Variants in PGS1 observed in about 807,000 individuals in gnomAD.
The protein encoded by PGS1 is CDP-diacylglycerol--glycerol-3-phosphate 3-phosphatidyltransferase, mitochondrial.
Under a neutral mutation model 58.3 loss-of-function variants are expected in PGS1, and 44 were observed. The observed-to-expected ratio is 0.75, with a 90% CI of 0.59 to 0.97. The LOEUF (loss-of-function observed/expected upper bound fraction) is 0.97. Ranked by LOEUF, PGS1 falls within the 50% of genes least tolerant of loss-of-function variation. The pLI is 0.00. For missense variants in PGS1, 684 were observed against 731.1 expected, an observed-to-expected ratio of 0.94 and a Z score of 0.74; for synonymous variants, 330 against 311.0, an observed-to-expected ratio of 1.06 and a Z score of -0.64.
At chr17:78,397,946 G>T (rs2083365290) in intron 3 of PGS1, 2 of 470,026 alleles carry the variant, frequency 4.3e-6, no homozygotes, top group Non-Finnish European at 8.2e-6. Flanking sequence ...TGAAATGTAC[G>T]TGAGACCTGG....
intron 3 of PGS1, among the ~76,000 whole-genome samples, chr17:78,397,700 G>T (rs2083345716): frequency 6.6e-6 from 1 of 152,128 alleles, no homozygotes; most frequent in South Asian, 2.1e-4. Flanking sequence ...CTCCCAAAGT[G>T]CTGGGATTAG....
At chr17:78,385,418 AGCTGGG>A (rs2082313782) in intron 1 of PGS1, among the ~76,000 whole-genome samples, 1 of 152,052 alleles carries the variant, frequency 6.6e-6, no homozygotes, top group South Asian at 2.1e-4. Context: ...CCTCCCGAGT[AGCTGGG>A]ACTGCAGGTG....
At chr17:78,420,972 T>C (rs1201936667) in intron 9 of PGS1, 1 of 152,224 alleles carries the variant, frequency 6.6e-6, no homozygotes, top group African/African-American at 2.4e-5. Context: ...AATACCTAAA[T>C]GGTGTTCACA....
At chr17:78,406,498 G>T (rs114469091) in intron 7 of PGS1, among the ~76,000 whole-genome samples, 32 of 152,174 alleles carry the variant, frequency 2.1e-4, no homozygotes, top group African/African-American at 6.8e-4. Flanking sequence ...GGCATCCCAC[G>T]TGCTGCTTTG....
At position 78,404,059 on chromosome 17, in the gene PGS1, T is replaced by C; in HGVS notation, c.1372T>C (p.Trp458Arg). 6.3e-7 allele frequency: 1 copy of C among 1,599,404 alleles called. No homozygotes were observed. Among genetic ancestry groups the C allele is most frequent in the Middle Eastern group, 1.7e-4 (1 of 6,016 alleles). Reference protein sequence around the residue: ...QQERVQLQEYWRRGWTFHAKG... With the variant: ...QQERVQLQEYRRRGWTFHAKG... ...GGAGCGGGTCCAGCTTCAGGAGTAC[T>C]GGCGGAGGGGCTGGACGTTCCACGC... Residue 458 changes from tryptophan to arginine, a missense_variant, in exon 7 of 10, where the codon TGG becomes CGG. Transcript: ENST00000262764.
chr17:78,423,744 C>T, intron 9 of PGS1: 2 of 932,354 alleles, frequency 2.1e-6, no homozygotes, highest in Non-Finnish European at 3.2e-6. Context: ...CCACACCAAC[C>T]TCCACCCTCT....
rs2086291969 is a variant in PGS1 at position 78,424,251 on chromosome 17, G to C, written c.*201G>C. ...GTCCTCACACTCCCCGCCCTCTGCA[G>C]AGCTGGGCTCTACCCCAAAAGGCTT... On this transcript the variant is annotated 3_prime_UTR_variant, in exon 10 of 10. Coordinates refer to ENST00000262764, the MANE Select transcript of PGS1 (RefSeq NM_024419.5). 1.4e-6 allele frequency: 2 copies of C among 1,443,008 alleles called. No individual in the cohort carries two copies. The highest frequency in any genetic ancestry group is 2.8e-5 in the African/African-American group (2 of 70,696). The allele number at this position is 1,443,008 out of a possible 1,614,324, so 89.4% of individuals were successfully genotyped here. A position where few individuals can be genotyped will look rare whatever the true frequency, so the allele number is the denominator to read the frequency against.
At chr17:78,419,874 T>C (rs2085540015) in intron 9 of PGS1, 199 bp downstream of exon 9, 1 of 1,321,140 alleles carries the variant, frequency 7.6e-7, no homozygotes, top group Non-Finnish European at 9.8e-7. Context: ...TCTGTTCACT[T>C]TCCATCTGGT....
At chr17:78,408,229 TTATC>T (rs1349308172) in intron 7 of PGS1, among the ~76,000 whole-genome samples, 1 of 152,222 alleles carries the variant, frequency 6.6e-6, no homozygotes, top group Non-Finnish European at 1.5e-5. Context: ...GCAATATGGT[TTATC>T]TATTTCATTC....
rs1225208645 is a variant in PGS1, at chr17:78,423,558, C to T, written c.*11-503C>T. The T allele has an allele frequency of 3.0e-5, 9 of 295,686 alleles. No individual in the cohort carries two copies. The East Asian group carries it at 3.9e-4, about 13-fold the overall frequency. The allele number at this position is 295,686 out of a possible 1,614,324, so 18.3% of individuals were successfully genotyped here. ...TGCTGCTCCTGTTAAAAGCAAACTC[C>T]ACTGACCCCCCCGGGAAGTCAGGAT... On this transcript the variant is annotated intron_variant, in intron 9 of 9. Transcript: ENST00000262764.
At position 78,414,784 on chromosome 17, in the gene PGS1, C is replaced by T. The variant is rs2085030768; in HGVS notation, c.1403-95C>T. On this transcript the variant is annotated intron_variant, in intron 7 of 9. Transcript: ENST00000262764. ...GCCCCTCGTGTCCAGGCACCCAGGG[C>T]AGGCCGCCTTTCTCTTAGATTGCAG... The T allele has an allele frequency of 3.5e-6, 5 of 1,428,300 alleles. No homozygotes were observed. In the South Asian group the frequency reaches 5.0e-5, roughly 14 times the overall value. The allele number at this position is 1,428,300 out of a possible 1,614,324, so 88.5% of individuals were successfully genotyped here.
intron 9 of PGS1, chr17:78,420,189 T>TGACA (rs769668863): frequency 9.6e-5 from 96 of 1,000,726 alleles, no homozygotes; most frequent in Non-Finnish European, 1.0e-4. Context: ...GACGCCTCGC[T>TGACA]GACATCCCTG....
chr17:78,398,444 G>A, intron 4 of PGS1, 93 bp downstream of exon 4: 6 of 889,516 alleles, frequency 6.7e-6, no homozygotes, highest in Non-Finnish European at 1.1e-5. Context: ...CCCAGGCAGA[G>A]TCAAGGCTAT....
At chr17:78,390,326 G>T (rs867437783) in intron 1 of PGS1, among the ~76,000 whole-genome samples, 1,476 of 81,710 alleles carry the variant, frequency 0.018, 7 homozygotes, top group Middle Eastern at 0.036. Context: ...AGACGGGGGT[G>T]GGGGAGGAAC....
At chr17:78,418,013 T>A (rs1802366316) in intron 8 of PGS1, among the ~76,000 whole-genome samples, 1 of 149,618 alleles carries the variant, frequency 6.7e-6, no homozygotes, top group Admixed American at 6.7e-5. Flanking sequence ...CACTGTAACC[T>A]CTGCCTCCCG....
chr17:78,415,064 G>A (rs781049582), intron 8 of PGS1, 37 bp downstream of exon 8: 15 of 1,541,190 alleles, frequency 9.7e-6, no homozygotes, highest in Non-Finnish European at 1.1e-5. Context: ...AGGGCGCTGA[G>A]GGTGTGGCTG....
chr17:78,419,413 A>ATCTC (rs1414821893), intron 8 of PGS1, 133 bp from the exon 9 acceptor site: 5 of 746,576 alleles, frequency 6.7e-6, no homozygotes, highest in African/African-American at 3.4e-5. Flanking sequence ...CACCCTGGGA[A>ATCTC]TCTCTGGGCC....
In PGS1 at chr17:78,404,010, T is replaced by A; in HGVS notation, c.1323T>A (p.Ser441Arg). 6.2e-7 allele frequency: 1 copy of A among 1,613,538 alleles called. No individual in the cohort carries two copies. Among genetic ancestry groups the A allele is most frequent in the Non-Finnish European group, 8.5e-7 (1 of 1,179,822 alleles). The change falls in exon 7 of 10, where the codon AGT becomes AGA. Residue 441 changes from serine (S) to arginine (R), a missense_variant. By Grantham distance (110) the Ser-to-Arg change is moderately radical (BLOSUM62 -1). Transcript: ENST00000262764. ...AYVHIERQFF[S>R]EVCSLGQQER... ...TGCACATCGAGCGACAGTTCTTCAG[T>A]GAGGTGTGCAGCCTGGGACAGCAGG...
intron 7 of PGS1, among the ~76,000 whole-genome samples, chr17:78,405,406 T>G (rs919694298): frequency 9.8e-5 from 15 of 152,322 alleles, no homozygotes; most frequent in African/African-American, 3.4e-4. Context: ...TTTTTCCCTA[T>G]ATGCCAATGT....
Sources: allele counts gnomAD v4.1 joint callset (sites outside exome capture counted in the v4.1 genomes callset), GRCh38; gene constraint gnomAD v4.1.1; transcripts MANE v1.5; gene names NCBI Gene and HGNC (gene_info 2026-07-23, HGNC 2026-07-21).